The following DPF3 variants were observed in gnomAD, a reference collection of about 807,000 sequenced individuals.
The protein encoded by DPF3 is zinc finger protein DPF3.
A neutral mutation model predicts 56.8 loss-of-function variants in DPF3; 18 were observed. The ratio of observed to expected loss-of-function variants is 0.32; its 90% CI spans 0.22 to 0.47. The LOEUF is 0.47. Ranked by LOEUF, DPF3 falls within the 20% of genes least tolerant of loss-of-function variation. The probability of loss-of-function intolerance (pLI) is 1.00; values close to 1 mark genes in which losing one functional copy is unlikely to be tolerated. For synonymous variants in DPF3, 188 were observed against 180.2 expected, an observed-to-expected ratio of 1.04 and a Z score of -0.35; for missense variants, 403 against 488.8, an observed-to-expected ratio of 0.82 and a Z score of 1.65.
In DPF3 at chr14:72,731,835, C is replaced by A; in HGVS notation, c.401G>T (p.Arg134Met). 1 of 1,613,396 alleles carries A rather than the reference C, an allele frequency of 6.2e-7. No individual in the cohort carries two copies. Among genetic ancestry groups the A allele is most frequent in the Non-Finnish European group, 8.5e-7 (1 of 1,179,704 alleles). ...TATTTCCTGGATGCTTTCCTCCTCC[C>A]TGGCATCCACCTTCTTCTCAACCCC... Reference protein sequence around the residue: ...GEGVEKKVDAREEESIQEIQR... With the variant: ...GEGVEKKVDAMEEESIQEIQR... Residue 134 changes from arginine to methionine, a missense_variant, in exon 4 of 11, where the codon AGG becomes ATG. Physicochemically the swap from Arg to Met is moderately conservative, Grantham distance 91. This residue lies in a region of DPF3 where 340 missense variants were observed against 374.3 expected (regional missense o/e 0.91). Coordinates refer to ENST00000556509, the MANE Select transcript of DPF3 (RefSeq NM_001280542.3).
intron 1 of DPF3, among the ~76,000 whole-genome samples, chr14:72,815,373 C>T (rs1447773807): frequency 2.0e-5 from 3 of 152,232 alleles, no homozygotes; most frequent in Admixed American, 1.3e-4. Flanking sequence ...ACGACTCTTA[C>T]ACACTGCGTG....
chr14:72,694,239 G>A (rs1008992775), intron 6 of DPF3, among the ~76,000 whole-genome samples: 1 of 152,222 alleles, frequency 6.6e-6, no homozygotes, highest in Non-Finnish European at 1.5e-5. Context: ...GAAACCTCGA[G>A]AGTCTTCCCA....
rs758619902 is a variant in DPF3, at chr14:72,831,435, G to A, written c.33-59542C>T. Among the ~76,000 whole-genome samples, 41 of 152,302 alleles carry A rather than the reference G, an allele frequency of 2.7e-4. No individual in the cohort carries two copies. In the East Asian group the frequency reaches 6.0e-3, roughly 22 times the overall value. ...AGCCCAGCTAACAATAAATTTCTGG[G>A]GTTCATCTCACAAGTACATTAAGTA... On this transcript the variant is annotated intron_variant, in intron 1 of 10. Transcript: ENST00000556509.
intron 8 of DPF3, chr14:72,661,173 T>C (rs1262869881): frequency 1.0e-6 from 1 of 985,254 alleles, no homozygotes; most frequent in African/African-American, 1.7e-5. Flanking sequence ...GGAAAGCAGA[T>C]TATTATGATA....
intron 3 of DPF3, among the ~76,000 whole-genome samples, chr14:72,739,223 C>T (rs1346921977): frequency 6.7e-6 from 1 of 149,104 alleles, no homozygotes; most frequent in Non-Finnish European, 1.5e-5. Context: ...GCCTAGGTGA[C>T]AGAGTGAGAC....
chr14:72,653,767 CA>C (rs1885987474), intron 8 of DPF3, among the ~76,000 whole-genome samples: 1 of 152,194 alleles, frequency 6.6e-6, no homozygotes, highest in Non-Finnish European at 1.5e-5. Flanking sequence ...AATGCATTAC[CA>C]CCCAGCAGGT....
In DPF3 at chr14:72,674,134, C is replaced by T. The variant is rs1886810564; in HGVS notation, c.871+106G>A. 7 of 1,412,850 alleles carry T rather than the reference C, an allele frequency of 5.0e-6. No individual in the cohort carries two copies. In the South Asian group the frequency reaches 9.4e-5, roughly 19 times the overall value. 87.5% of individuals were successfully genotyped at this position (1,412,850 alleles called of 1,614,324 possible). ...ACTCCTCTCCACTCGAAAGCATTGC[C>T]ACCATCGCTTCCCTCTCCAGTCTCC... On this transcript the variant is annotated intron_variant, in intron 8 of 10. Transcript: ENST00000556509.
intron 8 of DPF3, among the ~76,000 whole-genome samples, chr14:72,668,213 T>C (rs1365583505): frequency 6.6e-6 from 1 of 152,206 alleles, no homozygotes; most frequent in African/African-American, 2.4e-5. Flanking sequence ...CGGAGCTTCC[T>C]TCCTTTGCCT....
chr14:72,841,212 G>C (rs1884530995), intron 1 of DPF3, among the ~76,000 whole-genome samples: 1 of 152,166 alleles, frequency 6.6e-6, no homozygotes, highest in African/African-American at 2.4e-5. Flanking sequence ...ATTCAATTAA[G>C]TTCCCTCTGA....
intron 1 of DPF3, among the ~76,000 whole-genome samples, chr14:72,843,566 G>C (rs968780378): frequency 1.3e-5 from 2 of 152,086 alleles, no homozygotes; most frequent in Non-Finnish European, 2.9e-5. Context: ...TTTTGAGATG[G>C]AGTTTCACTC....
chr14:72,803,389 G>A (rs1461458904), intron 1 of DPF3, among the ~76,000 whole-genome samples: 2 of 152,254 alleles, frequency 1.3e-5, no homozygotes, highest in East Asian at 3.8e-4. Context: ...CCCCAGTGCA[G>A]AAGAGTCTGG....
At chr14:72,779,184 G>A (rs1287387998) in intron 1 of DPF3, among the ~76,000 whole-genome samples, 3 of 152,252 alleles carry the variant, frequency 2.0e-5, no homozygotes, top group African/African-American at 7.2e-5. Flanking sequence ...ACAGCAGGAA[G>A]GCTAATGTGG....
At chr14:72,800,377 AATGG>A (rs71109749) in intron 1 of DPF3, among the ~76,000 whole-genome samples, 95 of 18,046 alleles carry the variant, frequency 5.3e-3, no homozygotes, top group Non-Finnish European at 0.044. Flanking sequence ...TAAATAGATA[AATGG>A]ATGGATGGAT....
chr14:72,756,869 A>AAAGAAGGAAAGG (rs1555503988), intron 2 of DPF3, among the ~76,000 whole-genome samples: 1 of 95,598 alleles, frequency 1.0e-5, no homozygotes, highest in South Asian at 3.7e-4. Context: ...AGAAAGAAAG[A>AAAGAAGGAAAGG]AAGGAAGGAA....
chr14:72,829,171 T>C (rs1471249039), intron 1 of DPF3, among the ~76,000 whole-genome samples: 1 of 152,224 alleles, frequency 6.6e-6, no homozygotes, highest in Non-Finnish European at 1.5e-5. Context: ...TTCCTTGTTT[T>C]CCACTTTATA....
At chr14:72,649,973 G>C (rs76088236) in intron 8 of DPF3, among the ~76,000 whole-genome samples, 5,431 of 152,270 alleles carry the variant, frequency 0.036, 167 homozygotes, top group South Asian at 0.13. Flanking sequence ...CCCTGACACA[G>C]GAGGCCGAGC....
At chr14:72,723,184 C>T (rs1309386209) in intron 5 of DPF3, among the ~76,000 whole-genome samples, 1 of 152,000 alleles carries the variant, frequency 6.6e-6, no homozygotes, top group African/African-American at 2.4e-5. Context: ...TATCCCTCCC[C>T]CCAGCCCCTA....
intron 5 of DPF3, among the ~76,000 whole-genome samples, chr14:72,718,274 A>G (rs1174972045): frequency 1.3e-5 from 2 of 152,110 alleles, no homozygotes; most frequent in African/African-American, 4.8e-5. Flanking sequence ...AATCCTTCCC[A>G]TTTTTATTGA....
intron 3 of DPF3, among the ~76,000 whole-genome samples, chr14:72,743,916 A>G (rs1479028456): frequency 2.6e-5 from 4 of 152,234 alleles, no homozygotes; most frequent in Non-Finnish European, 4.4e-5. Flanking sequence ...GAGAACACTG[A>G]ACTCAATTGT....
Sources: gnomAD v4.1 joint callset for allele counts (sites outside exome capture counted in the v4.1 genomes callset) on GRCh38, gnomAD v4.1.1 for gene constraint, gnomAD v4.1.1 regional missense constraint, MANE v1.5 for transcripts, NCBI Gene and HGNC (gene_info 2026-07-23, HGNC 2026-07-21) for gene names.